SLC67A1: variants seen among roughly 807,000 people sequenced by gnomAD.
The protein encoded by SLC67A1 is solute carrier family 67 member 1.
At chr11:2,916,814 C>A in the SLC67A1 span, 1 of 1,339,556 alleles carries the variant, frequency 7.5e-7, no homozygotes, top group Non-Finnish European at 1.1e-6. Flanking sequence ...CGTGCTCCAG[C>A]CAAGGGGTAC....
the SLC67A1 span, chr11:2,908,355 C>T: frequency 6.4e-7 from 1 of 1,555,170 alleles, no homozygotes. Context: ...TGTACAGGGG[C>T]TCTCCCCACA....
the SLC67A1 span, among the ~76,000 whole-genome samples, chr11:2,915,590 G>T: frequency 6.6e-6 from 1 of 152,210 alleles, no homozygotes; most frequent in Non-Finnish European, 1.5e-5. Context: ...GCCCTCAGGG[G>T]CCAGATTCTA....
chr11:2,915,113 C>A, the SLC67A1 span: 9 of 985,270 alleles, frequency 9.1e-6, no homozygotes, highest in Admixed American at 6.1e-5. Context: ...CCAGCACCCC[C>A]CTAGACTGAT....
At chr11:2,909,231 C>T in the SLC67A1 span, 2 of 1,539,466 alleles carry the variant, frequency 1.3e-6, no homozygotes, top group Admixed American at 1.9e-5. Flanking sequence ...GCGGCGCTCA[C>T]GCTCTCCTTC....
chr11:2,901,624 G>T, the SLC67A1 span, among the ~76,000 whole-genome samples: 1 of 152,254 alleles, frequency 6.6e-6, no homozygotes, highest in Admixed American at 6.5e-5. Flanking sequence ...GCGGAGGGCG[G>T]CATGAGGCTT....
chr11:2,908,470 T>TG, the SLC67A1 span: 1 of 618,136 alleles, frequency 1.6e-6, no homozygotes, highest in Non-Finnish European at 2.7e-6. Flanking sequence ...CACAGGCCGA[T>TG]GGGGGTGCAG....
the SLC67A1 span, among the ~76,000 whole-genome samples, chr11:2,910,353 G>A: frequency 2.0e-5 from 3 of 152,164 alleles, no homozygotes; most frequent in Non-Finnish European, 4.4e-5. Context: ...AGGAATTCCC[G>A]TAACATCAGG....
chr11:2,909,532 C>G, the SLC67A1 span: 1 of 1,493,662 alleles, frequency 6.7e-7, no homozygotes, highest in Non-Finnish European at 8.9e-7. Flanking sequence ...GGGGAAGGGC[C>G]CCACCGAGGG....
chr11:2,908,184 C>A, the SLC67A1 span: 1 of 1,320,740 alleles, frequency 7.6e-7, no homozygotes, highest in Non-Finnish European at 1.1e-6. Flanking sequence ...AGATTCTAGG[C>A]CCTGCAGTCT....
At chr11:2,905,421 G>A in the SLC67A1 span, among the ~76,000 whole-genome samples, 1 of 152,174 alleles carries the variant, frequency 6.6e-6, no homozygotes, top group African/African-American at 2.4e-5. Flanking sequence ...CAGGGAGAGG[G>A]GAGACAGCAG....
At chr11:2,907,222 G>T in the SLC67A1 span, among the ~76,000 whole-genome samples, 1 of 152,046 alleles carries the variant, frequency 6.6e-6, no homozygotes, top group Admixed American at 6.6e-5. The surrounding 1 kb of genome is among the most constrained non-coding windows in gnomAD (Gnocchi z 6.7). Flanking sequence ...GGGAGGGGGC[G>T]GGGGCGGTGT....
At chr11:2,921,853 C>T in the SLC67A1 span, 9 of 535,354 alleles carry the variant, frequency 1.7e-5, no homozygotes, top group Non-Finnish European at 2.3e-5. Flanking sequence ...CTGGTGTGGG[C>T]CTTTCCTTCC....
the SLC67A1 span, chr11:2,920,011 G>A: frequency 6.6e-6 from 1 of 152,282 alleles, no homozygotes; most frequent in Non-Finnish European, 1.5e-5. Context: ...TGGGCTTCTG[G>A]ACCAGACCCT....
the SLC67A1 span, among the ~76,000 whole-genome samples, chr11:2,912,490 C>G: frequency 6.6e-6 from 1 of 152,252 alleles, no homozygotes; most frequent in Admixed American, 6.5e-5. Flanking sequence ...TGATGGAAAC[C>G]GAGGCACAAC....
the SLC67A1 span, chr11:2,909,862 C>G: frequency 4.6e-6 from 4 of 872,702 alleles, no homozygotes; most frequent in Non-Finnish European, 6.6e-6. Flanking sequence ...TGGCCCCGCG[C>G]GAGGCCTAGG....
the SLC67A1 span, chr11:2,919,307 G>C: frequency 6.2e-6 from 10 of 1,612,994 alleles, no homozygotes; most frequent in Non-Finnish European, 8.5e-6. Flanking sequence ...CCCGGCTCAG[G>C]GCTCTTCATG....
chr11:2,919,284 C>T, the SLC67A1 span: 3 of 1,582,230 alleles, frequency 1.9e-6, no homozygotes, highest in Non-Finnish European at 2.6e-6. Flanking sequence ...GGTACTCACC[C>T]CTGTTCCCCT....
the SLC67A1 span, chr11:2,909,082 A>C: frequency 2.0e-6 from 2 of 1,004,184 alleles, no homozygotes; most frequent in Non-Finnish European, 2.8e-6. Flanking sequence ...CCCGCCCTCC[A>C]TCCCCATCCC....
chr11:2,904,272 C>G, the SLC67A1 span, among the ~76,000 whole-genome samples: 516 of 152,336 alleles, frequency 3.4e-3, 2 homozygotes, highest in African/African-American at 0.012. Flanking sequence ...CTGCCCTCCT[C>G]CTCTCAGCCC....
Sources: allele counts gnomAD v4.1 joint callset (sites outside exome capture counted in the v4.1 genomes callset), GRCh38; gene constraint gnomAD v4.1.1; non-coding constraint Gnocchi (gnomAD v3.1); transcripts MANE v1.5; gene names NCBI Gene and HGNC (gene_info 2026-07-23, HGNC 2026-07-21).